Variants in FAM193B observed in about 807,000 individuals in gnomAD.
FAM193B encodes protein FAM193B.
A neutral mutation model predicts 70.7 loss-of-function variants in FAM193B; 27 were observed. The observed-to-expected ratio is 0.38, with a 90% CI of 0.28 to 0.53. The LOEUF (loss-of-function observed/expected upper bound fraction) is 0.53, where lower values mean the gene tolerates loss of function less well. Among genes scored for constraint, FAM193B ranks in the 20% least tolerant of loss-of-function variants. The probability of loss-of-function intolerance (pLI) is 0.81; values close to 1 mark genes in which losing one functional copy is unlikely to be tolerated. For missense variants in FAM193B, 1,022 were observed against 1,072.5 expected, an observed-to-expected ratio of 0.95 and a Z score of 0.66; for synonymous variants, 448 against 436.0, an observed-to-expected ratio of 1.03 and a Z score of -0.34.
chr5:177,548,378 T>C (rs964652022), intron 1 of FAM193B, among the ~76,000 whole-genome samples: 13 of 152,216 alleles, frequency 8.5e-5, no homozygotes, highest in African/African-American at 2.4e-4. Context: ...GGATACACAA[T>C]GGAAGATTAT....
rs1359527664 is a variant in FAM193B, at chr5:177,554,253, G to T, written c.206C>A (p.Pro69Gln). 2.0e-6 allele frequency: 3 copies of T among 1,480,812 alleles called. No homozygotes were observed. The highest frequency in any genetic ancestry group is 1.5e-5 in the African/African-American group (1 of 68,670). 91.7% of individuals were successfully genotyped at this position (1,480,812 alleles called of 1,614,324 possible). Residue 69 changes from proline to glutamine, a missense_variant, in exon 1 of 9, where the codon CCG (proline) becomes CAG (glutamine). By Grantham distance (76) the Pro-to-Gln change is moderately conservative. Transcript: ENST00000514747. ...AGTCTCCCCGCTCGCTCCTACCTGC[G>T]GGCCGGGCACCAGGTTGGGTTCGTC... ...EDDEPNLVPG[P>Q]QVPPASSQPV...
At chr5:177,552,122 G>C in intron 1 of FAM193B, 1 of 950,548 alleles carries the variant, frequency 1.1e-6, no homozygotes, top group Non-Finnish European at 1.3e-6. Context: ...CTGAGTTTCT[G>C]TTTCTTCATC....
At position 177,553,290 on chromosome 5, in the gene FAM193B, C is replaced by T. The variant is rs1354358646; in HGVS notation, c.210+959G>A. ...GCAGAGCCAAACGCATCTTCCGCCA[C>T]GCCTCATCCTCATCCGGCGCCGCAT... On this transcript the variant is annotated intron_variant, in intron 1 of 8. Transcript: ENST00000514747. 4 of 988,170 alleles carry T rather than the reference C, an allele frequency of 4.0e-6. No individual in the cohort carries two copies. The African/African-American group carries it at 5.2e-5, about 13-fold the overall frequency. 61.2% of individuals were successfully genotyped at this position (988,170 alleles called of 1,614,324 possible). A position where few individuals can be genotyped will look rare whatever the true frequency, so the allele number is the denominator to read the frequency against.
At chr5:177,552,358 G>A (rs1344731343) in intron 1 of FAM193B, among the ~76,000 whole-genome samples, 1 of 152,236 alleles carries the variant, frequency 6.6e-6, no homozygotes. Flanking sequence ...AAAGTGCCTG[G>A]CACAAATAAA....
intron 1 of FAM193B, among the ~76,000 whole-genome samples, chr5:177,548,166 G>C (rs1414254026): frequency 6.6e-6 from 1 of 152,156 alleles, no homozygotes; most frequent in African/African-American, 2.4e-5. Flanking sequence ...AATGAACTTG[G>C]CTTTGCTCTA....
chr5:177,531,281 CCTT>C, intron 5 of FAM193B: 1 of 1,310,702 alleles, frequency 7.6e-7, no homozygotes, highest in Non-Finnish European at 1.0e-6. Flanking sequence ...CCTACACCCA[CCTT>C]CTTTTTCAGC....
chr5:177,525,129 G>A lies in FAM193B; in HGVS notation c.1352C>T (p.Pro451Leu). The A allele has an allele frequency of 6.4e-7, 1 of 1,551,670 alleles. No individual in the cohort carries two copies. The highest frequency in any genetic ancestry group is 8.7e-7 in the Non-Finnish European group (1 of 1,150,638). Reference protein sequence around the residue: ...NRVSGSREPRPARERLLEWPD... With the variant: ...NRVSGSREPRLARERLLEWPD... ...CCACTCCAAGAGCCTCTCCCTGGCA[G>A]GCCTTGGCTCCCGGCTTCCAGAAAC... The change falls in exon 6 of 9, where the codon CCT becomes CTT. Residue 451 changes from proline to leucine, a missense_variant. Transcript: ENST00000514747.
chr5:177,536,541 G>C lies in FAM193B; in HGVS notation c.893C>G (p.Ala298Gly), dbSNP rs1764194332. 1.2e-5 allele frequency: 18 copies of C among 1,537,882 alleles called. No homozygotes were observed. Among genetic ancestry groups the C allele is most frequent in the Non-Finnish European group, 1.6e-5 (18 of 1,148,772 alleles). The part of the protein sequence containing the change: ...AQASECPVAA[A>G]TAPHTPGPCQ... ...TGGCCCTGGAGTGTGGGGGGCAGTGGCAGCAGCAACAGGGCACTCTGAAGC... is the reference window on the plus strand; with the variant it reads ...TGGCCCTGGAGTGTGGGGGGCAGTGCCAGCAGCAACAGGGCACTCTGAAGC... The change falls in exon 4 of 9, where the codon GCC (alanine) becomes GGC (glycine). Residue 298 changes from alanine (A) to glycine (G), a missense_variant. Coordinates refer to ENST00000514747, the MANE Select transcript of FAM193B (RefSeq NM_001190946.3).
intron 5 of FAM193B, among the ~76,000 whole-genome samples, chr5:177,527,659 T>C (rs1247475746): frequency 6.6e-6 from 1 of 152,210 alleles, no homozygotes; most frequent in Non-Finnish European, 1.5e-5. Flanking sequence ...ATGAAGAAAC[T>C]GAGGCTTAGA....
At chr5:177,531,841 T>A in intron 5 of FAM193B, 4 of 1,145,616 alleles carry the variant, frequency 3.5e-6, no homozygotes, top group Non-Finnish European at 4.4e-6. Flanking sequence ...AATTTTGTCA[T>A]CTCTAAAATG....
At chr5:177,523,862 C>T in intron 7 of FAM193B, 95 bp downstream of exon 7, 7 of 1,397,074 alleles carry the variant, frequency 5.0e-6, no homozygotes, top group Non-Finnish European at 7.1e-6. Context: ...GCCAAGGGAG[C>T]AGGCCTTTCT....
At chr5:177,528,716 C>T (rs1360808718) in intron 5 of FAM193B, among the ~76,000 whole-genome samples, 3 of 152,086 alleles carry the variant, frequency 2.0e-5, no homozygotes, top group Non-Finnish European at 4.4e-5. Flanking sequence ...GAAGGCCTAG[C>T]GGTTTGAGAA....
chr5:177,553,660 G>T, intron 1 of FAM193B: 1 of 1,281,372 alleles, frequency 7.8e-7, no homozygotes, highest in East Asian at 5.7e-5. Flanking sequence ...AAGAAGGGCA[G>T]GTTCTGCTGG....
At chr5:177,536,883 A>T in intron 3 of FAM193B, 138 bp from the exon 4 acceptor site, 1 of 1,208,576 alleles carries the variant, frequency 8.3e-7, no homozygotes, top group East Asian at 2.8e-5. Context: ...CTGGAGCTGC[A>T]GAAGATTCTG....
intron 7 of FAM193B, among the ~76,000 whole-genome samples, chr5:177,523,460 T>C (rs997328665): frequency 1.2e-4 from 18 of 152,212 alleles, no homozygotes; most frequent in African/African-American, 4.1e-4. Context: ...CCCCTTGGCA[T>C]GAATACCTTT....
At position 177,554,319 on chromosome 5, in the gene FAM193B, T is replaced by A. The variant is rs1766760335; in HGVS notation, c.140A>T (p.Glu47Val). 1 of 1,334,868 alleles carries A rather than the reference T, an allele frequency of 7.5e-7. No homozygotes were observed. The highest frequency in any genetic ancestry group is 9.6e-7 in the Non-Finnish European group (1 of 1,037,138). The allele number at this position is 1,334,868 out of a possible 1,614,324, so 82.7% of individuals were successfully genotyped here. The change falls in exon 1 of 9, where the codon GAG becomes GTG. Residue 47 changes from glutamate to valine, a missense_variant. Glu to Val is a moderately radical substitution (Grantham distance 121). Transcript: ENST00000514747. ...GTCGTGGTCGGGCTCCGCCGGCGCCTCCGGAGGGCCTGCACCCGCTCCCGC... is the reference window on the plus strand; with the variant it reads ...GTCGTGGTCGGGCTCCGCCGGCGCCACCGGAGGGCCTGCACCCGCTCCCGC... ...LEAGAGAGPP[E>V]APAEPDHDGP...
chr5:177,530,998 G>C (rs1163804358), intron 5 of FAM193B, among the ~76,000 whole-genome samples: 1 of 152,212 alleles, frequency 6.6e-6, no homozygotes, highest in Admixed American at 6.5e-5. Flanking sequence ...GCCAGTATTT[G>C]TAGAAGTGTT....
At chr5:177,550,915 T>C (rs1766138955) in intron 1 of FAM193B, among the ~76,000 whole-genome samples, 1 of 152,108 alleles carries the variant, frequency 6.6e-6, no homozygotes, top group South Asian at 2.1e-4. Context: ...CTGGGTAACT[T>C]AATTCCTGGG....
At chr5:177,546,686 T>C (rs1280343808) in intron 1 of FAM193B, among the ~76,000 whole-genome samples, 2 of 152,196 alleles carry the variant, frequency 1.3e-5, no homozygotes, top group South Asian at 2.1e-4. Context: ...CAAACTTCCA[T>C]GCAGGCTGTG....
Sources: allele counts gnomAD v4.1 joint callset (sites outside exome capture counted in the v4.1 genomes callset), GRCh38; gene constraint gnomAD v4.1.1; transcripts MANE v1.5; gene names NCBI Gene and HGNC (gene_info 2026-07-23, HGNC 2026-07-21).